Variants in FRMD6 observed in about 807,000 individuals in gnomAD.
FRMD6 encodes FERM domain-containing protein 6.
FRMD6 carries 37 observed loss-of-function variants against 73.2 expected under a neutral mutation model. That is an observed-to-expected ratio of 0.51 (90% CI 0.39 to 0.66). The LOEUF is 0.66. Among genes scored for constraint, FRMD6 ranks in the 30% least tolerant of loss-of-function variants. The probability of loss-of-function intolerance (pLI) is 0.00; values close to 1 mark genes in which losing one functional copy is unlikely to be tolerated. For synonymous variants in FRMD6, 273 were observed against 282.2 expected (o/e 0.97, Z 0.33); for missense variants, 714 against 780.5 (o/e 0.91, Z 1.02).
At chr14:51,727,679 C>CT in intron 13 of FRMD6, 66 bp from the exon 14 acceptor site, 1 of 1,464,304 alleles carries the variant, frequency 6.8e-7, no homozygotes. Flanking sequence ...TGTAGCATCT[C>CT]TCTTTACAAG....
chr14:51,670,349 C>T (rs991840656), intron 1 of FRMD6, among the ~76,000 whole-genome samples: 2 of 152,180 alleles, frequency 1.3e-5, no homozygotes, highest in South Asian at 2.1e-4. Context: ...AGATTAAAGG[C>T]ATGAGCCACC....
intron 9 of FRMD6, 41 bp from the exon 10 acceptor site, chr14:51,715,284 G>A: frequency 2.1e-6 from 3 of 1,433,854 alleles, no homozygotes; most frequent in Non-Finnish European, 1.9e-6. Flanking sequence ...GCAAATCAGA[G>A]ATTTTTCTTC....
At chr14:51,546,937 C>T (rs1358279205) in intron 1 of FRMD6, 4 of 150,942 alleles carry the variant, frequency 2.7e-5, no homozygotes, top group Non-Finnish European at 4.4e-5. Flanking sequence ...TATAACACCT[C>T]CTGCCAGGCA....
chr14:51,579,036 G>T (rs1224772011), intron 2 of FRMD6: 1 of 152,296 alleles, frequency 6.6e-6, no homozygotes, highest in Non-Finnish European at 1.5e-5. Flanking sequence ...AAGAGGAAGA[G>T]ATCTAGGTGG....
chr14:51,573,781 T>C (rs1430491193), intron 2 of FRMD6, among the ~76,000 whole-genome samples: 2 of 152,172 alleles, frequency 1.3e-5, no homozygotes, highest in Non-Finnish European at 2.9e-5. Context: ...GGCAGATGAC[T>C]ACTTACCAAG....
At chr14:51,448,678 A>G in the FRMD6 span, among the ~76,000 whole-genome samples, 1 of 152,338 alleles carries the variant, frequency 6.6e-6, no homozygotes, top group African/African-American at 2.4e-5. Context: ...CTGTAGTTCA[A>G]GGGCAGGTTA....
At chr14:51,441,052 A>G in the FRMD6 span, among the ~76,000 whole-genome samples, 3 of 152,218 alleles carry the variant, frequency 2.0e-5, no homozygotes, top group African/African-American at 4.8e-5. Context: ...ATATCTTCAG[A>G]TATTGCCAAA....
At chr14:51,681,623 A>G (rs1894804119) in intron 1 of FRMD6, among the ~76,000 whole-genome samples, 1 of 152,184 alleles carries the variant, frequency 6.6e-6, no homozygotes, top group Non-Finnish European at 1.5e-5. Flanking sequence ...CTACTGCCAT[A>G]CAGTATTTCC....
At chr14:51,629,913 T>A (rs929628073) in intron 2 of FRMD6, among the ~76,000 whole-genome samples, 1 of 152,212 alleles carries the variant, frequency 6.6e-6, no homozygotes, top group Non-Finnish European at 1.5e-5. Context: ...ATTATTCTTC[T>A]CCCAGAGGCT....
chr14:51,487,909 T>C (rs1463510295), upstream of FRMD6, among the ~76,000 whole-genome samples: 1 of 152,218 alleles, frequency 6.6e-6, no homozygotes, highest in African/African-American at 2.4e-5. Context: ...GGAATTTTTT[T>C]AGTGCCAGTA....
chr14:51,646,564 T>C (rs1052033300), intron 2 of FRMD6, among the ~76,000 whole-genome samples: 5 of 151,252 alleles, frequency 3.3e-5, no homozygotes, highest in African/African-American at 4.9e-5. Flanking sequence ...AGCTTTTTTT[T>C]CCCCCAGGTT....
chr14:51,554,454 T>A (rs1887013838), intron 1 of FRMD6, among the ~76,000 whole-genome samples: 1 of 152,134 alleles, frequency 6.6e-6, no homozygotes, highest in Admixed American at 6.6e-5. Context: ...AACTTTACAG[T>A]GGGGAAACCT....
In FRMD6 at chr14:51,560,805, C is replaced by G. The variant is rs12050317; in HGVS notation, c.-209-9543C>G. Among the ~76,000 whole-genome samples, 964 of 152,038 alleles carry G rather than the reference C, an allele frequency of 6.3e-3. 53 individuals carry two copies. In the East Asian group the frequency reaches 0.13, roughly 21 times the overall value. On this transcript the variant is annotated intron_variant, in intron 1 of 14. Transcript: ENST00000356218. The stretch of plus-strand genomic sequence containing the variant: ...GGCTGATCTCACTTTTTTTAGTTAC[C>G]CAGAGTCCTCTCAAAGGTGCCCTTC...
upstream of FRMD6, chr14:51,651,385 C>G (rs1015214850): frequency 6.6e-6 from 1 of 152,334 alleles, no homozygotes; most frequent in South Asian, 2.1e-4. Context: ...AGTGGCCTCC[C>G]CTCCGGCGTT....
At position 51,728,082 on chromosome 14, in the gene FRMD6, A is replaced by G; in HGVS notation, c.*53A>G. On this transcript the variant is annotated 3_prime_UTR_variant, in exon 14 of 14. Transcript: ENST00000344768. Reference sequence around the variant, plus strand: ...AGCTTACTGTTTGCTAGAGGATGCGAAAGTCATAAGTTCTTTACATATTAC... The same window carrying G: ...AGCTTACTGTTTGCTAGAGGATGCGGAAGTCATAAGTTCTTTACATATTAC... 6.6e-7 allele frequency: 1 copy of G among 1,526,280 alleles called. No individual in the cohort carries two copies. The highest frequency in any genetic ancestry group is 8.9e-7 in the Non-Finnish European group (1 of 1,122,974). The allele number at this position is 1,526,280 out of a possible 1,614,324, so 94.5% of individuals were successfully genotyped here.
At chr14:51,610,724 T>C (rs187938274) in intron 2 of FRMD6, among the ~76,000 whole-genome samples, 16 of 152,330 alleles carry the variant, frequency 1.1e-4, no homozygotes, top group Admixed American at 1.0e-3. Context: ...AATAATACTA[T>C]AACTTTCAGT....
chr14:51,520,354 G>C (rs972311014), intron 1 of FRMD6, among the ~76,000 whole-genome samples: 1 of 152,112 alleles, frequency 6.6e-6, no homozygotes, highest in Non-Finnish European at 1.5e-5. Context: ...AATGTAAAAT[G>C]GTACTACCAA....
the FRMD6 span, among the ~76,000 whole-genome samples, chr14:51,397,487 G>A: frequency 2.6e-5 from 4 of 152,226 alleles, no homozygotes; most frequent in African/African-American, 7.2e-5. Flanking sequence ...CACTTGCAAA[G>A]TATATGTGTG....
chr14:51,452,535 A>G, the FRMD6 span, among the ~76,000 whole-genome samples: 1 of 152,226 alleles, frequency 6.6e-6, no homozygotes, highest in African/African-American at 2.4e-5. Context: ...CTAAGTTAGG[A>G]TATCAAGAAG....
Sources: allele counts gnomAD v4.1 joint callset (sites outside exome capture counted in the v4.1 genomes callset), GRCh38; gene constraint gnomAD v4.1.1; transcripts MANE v1.5; gene names NCBI Gene and HGNC (gene_info 2026-07-23, HGNC 2026-07-21).